Variants in CACNB2 observed in about 807,000 individuals in gnomAD.
CACNB2 encodes the protein calcium voltage-gated channel auxiliary subunit beta 2.
A neutral mutation model predicts 73.3 loss-of-function variants in CACNB2; 42 were observed. The observed-to-expected ratio is 0.57, with a 90% CI of 0.45 to 0.74. The LOEUF (loss-of-function observed/expected upper bound fraction) is 0.74, where lower values mean the gene tolerates loss of function less well. CACNB2 is among the 30% of genes least tolerant of loss of function. CACNB2 has a pLI of 0.00. For missense variants in CACNB2, 940 were observed against 853.0 expected, an observed-to-expected ratio of 1.10 and a Z score of -1.27; for synonymous variants, 348 against 310.3, an observed-to-expected ratio of 1.12 and a Z score of -1.28.
At chr10:18,373,160 G>C (rs2042658328) in intron 2 of CACNB2, among the ~76,000 whole-genome samples, 1 of 152,124 alleles carries the variant, frequency 6.6e-6, no homozygotes, top group Non-Finnish European at 1.5e-5. Context: ...AGGCTGCACT[G>C]TCAGGAGGTT....
At chr10:18,145,826 C>A (rs1303365860) in intron 1 of CACNB2, among the ~76,000 whole-genome samples, 2 of 152,122 alleles carry the variant, frequency 1.3e-5, no homozygotes, top group African/African-American at 4.8e-5. Context: ...AGGAACCGGG[C>A]CTGTCTTACT....
chr10:18,478,129 A>G (rs984084746), intron 3 of CACNB2, among the ~76,000 whole-genome samples: 19 of 152,216 alleles, frequency 1.2e-4, no homozygotes, highest in Admixed American at 2.6e-4. Flanking sequence ...ACGGGATTTC[A>G]CCATGTTGCC....
At chr10:18,177,465 C>A (rs1312136477) in intron 2 of CACNB2, among the ~76,000 whole-genome samples, 10 of 130,336 alleles carry the variant, frequency 7.7e-5, no homozygotes, top group Admixed American at 2.3e-4. Context: ...ATTAAAAATG[C>A]AAAAAAAAAA....
Position 18,243,758 on chromosome 10 carries a change from C to T in CACNB2, c.213+92783C>T, listed in dbSNP as rs192139061. 1.9e-3 allele frequency among the ~76,000 whole-genome samples: 296 copies of T among 152,252 alleles called. 1 individual carries two copies. Among genetic ancestry groups the T allele is most frequent in the Non-Finnish European group, 3.4e-3 (231 of 68,014 alleles). ...TTTCTACACACACCTGATCCCCTTCCGGCTGCTGAGTGGAAGCAGCCTGAG... is the reference window on the plus strand; with the variant it reads ...TTTCTACACACACCTGATCCCCTTCTGGCTGCTGAGTGGAAGCAGCCTGAG... On this transcript the variant is annotated intron_variant, in intron 2 of 13. Transcript: ENST00000324631.
At chr10:18,364,566 C>T (rs1011085366) in intron 2 of CACNB2, among the ~76,000 whole-genome samples, 3 of 152,156 alleles carry the variant, frequency 2.0e-5, no homozygotes, top group Non-Finnish European at 4.4e-5. Context: ...TCCCAAAGTG[C>T]TGAGATTACA....
At chr10:18,331,965 G>A (rs1174261690) in intron 2 of CACNB2, among the ~76,000 whole-genome samples, 4 of 152,120 alleles carry the variant, frequency 2.6e-5, no homozygotes, top group African/African-American at 7.2e-5. Context: ...GAGAAAGTGC[G>A]GAGGCCCCAA....
chr10:18,310,073 A>T (rs2039897665), intron 2 of CACNB2, among the ~76,000 whole-genome samples: 1 of 152,130 alleles, frequency 6.6e-6, no homozygotes, highest in Non-Finnish European at 1.5e-5. Flanking sequence ...ACTCAGTTAC[A>T]GTTTCTTAAT....
At chr10:18,356,264 C>A (rs890143646) in intron 2 of CACNB2, among the ~76,000 whole-genome samples, 1 of 152,210 alleles carries the variant, frequency 6.6e-6, no homozygotes, top group Non-Finnish European at 1.5e-5. Flanking sequence ...CTGCCCAGCA[C>A]CCACTTTGCA....
intron 1 of CACNB2, among the ~76,000 whole-genome samples, chr10:18,147,908 T>C (rs190851437): frequency 1.3e-5 from 2 of 152,264 alleles, no homozygotes; most frequent in East Asian, 1.9e-4. Flanking sequence ...TAATTTTAAA[T>C]ACACATTAGA....
intron 10 of CACNB2, among the ~76,000 whole-genome samples, chr10:18,529,042 C>G (rs189285207): frequency 2.6e-5 from 4 of 152,138 alleles, no homozygotes; most frequent in Admixed American, 2.6e-4. Context: ...ATGTTGCCCA[C>G]GCTGGTCTCC....
intron 9 of CACNB2, among the ~76,000 whole-genome samples, chr10:18,526,505 CTT>C (rs779493175): frequency 1.3e-5 from 2 of 152,196 alleles, no homozygotes; most frequent in East Asian, 1.9e-4. Context: ...TTGAACCAAA[CTT>C]TTCCTTTTCG....
At chr10:18,529,685 G>A (rs1377777072) in intron 10 of CACNB2, among the ~76,000 whole-genome samples, 1 of 152,200 alleles carries the variant, frequency 6.6e-6, no homozygotes, top group East Asian at 1.9e-4. Context: ...AGAAGGACAT[G>A]GGAGATGACA....
chr10:18,411,774 C>G (rs548834514), intron 3 of CACNB2, among the ~76,000 whole-genome samples: 1 of 152,178 alleles, frequency 6.6e-6, no homozygotes, highest in African/African-American at 2.4e-5. Flanking sequence ...TCCCAAAGTG[C>G]TGGAATTACA....
intron 2 of CACNB2, among the ~76,000 whole-genome samples, chr10:18,310,683 A>C (rs2039930665): frequency 6.6e-6 from 1 of 150,478 alleles, no homozygotes; most frequent in Non-Finnish European, 1.5e-5. Context: ...GGGTTCGAGC[A>C]ATTCTCCTGC....
chr10:18,205,018 C>G (rs2035032840), intron 2 of CACNB2, among the ~76,000 whole-genome samples: 1 of 148,368 alleles, frequency 6.7e-6, no homozygotes, highest in Non-Finnish European at 1.5e-5. Context: ...GCCCAAGACT[C>G]TATATTCCAA....
intron 2 of CACNB2, among the ~76,000 whole-genome samples, chr10:18,372,459 G>C (rs1002911340): frequency 6.6e-6 from 1 of 152,170 alleles, no homozygotes; most frequent in African/African-American, 2.4e-5. Context: ...CCAGGCTAGA[G>C]TGCAACGGAG....
intron 2 of CACNB2, among the ~76,000 whole-genome samples, chr10:18,216,544 A>G (rs1379163170): frequency 6.6e-6 from 1 of 152,216 alleles, no homozygotes; most frequent in Non-Finnish European, 1.5e-5. Context: ...ATACAGCTCT[A>G]GAATGACTCT....
intron 2 of CACNB2, among the ~76,000 whole-genome samples, chr10:18,351,034 T>C (rs1564458934): frequency 2.0e-5 from 3 of 152,204 alleles, no homozygotes; most frequent in Non-Finnish European, 1.5e-5. Context: ...TTTTTTCTTA[T>C]TATATGCCAG....
intron 2 of CACNB2, among the ~76,000 whole-genome samples, chr10:18,343,359 G>A (rs1031311669): frequency 4.0e-5 from 6 of 151,794 alleles, no homozygotes; most frequent in Non-Finnish European, 7.4e-5. Context: ...TTCTGACTGT[G>A]GTTAAGAGAA....
Sources: gnomAD v4.1 joint callset for allele counts (sites outside exome capture counted in the v4.1 genomes callset) on GRCh38, gnomAD v4.1.1 for gene constraint, MANE v1.5 for transcripts, NCBI Gene and HGNC (gene_info 2026-07-23, HGNC 2026-07-21) for gene names.